The following PPP1R1C variants were observed in gnomAD, a reference collection of about 807,000 sequenced individuals.
PPP1R1C encodes the protein protein phosphatase 1 regulatory subunit 1C.
In PPP1R1C, 15 loss-of-function variants were observed where a neutral mutation model predicts 17.4. That is an observed-to-expected ratio of 0.86 (90% confidence interval 0.58 to 1.33). PPP1R1C has a LOEUF of 1.33. PPP1R1C is among the 40% of genes most tolerant of loss of function. The pLI, the probability that PPP1R1C is intolerant of heterozygous loss-of-function variation, is 0.00. For missense variants in PPP1R1C, 143 were observed against 130.0 expected, an observed-to-expected ratio of 1.10 and a Z score of -0.48; for synonymous variants, 35 against 43.1, an observed-to-expected ratio of 0.81 and a Z score of 0.73.
intron 2 of PPP1R1C, among the ~76,000 whole-genome samples, chr2:181,980,224 T>A (rs559433561): frequency 1.3e-5 from 2 of 152,342 alleles, no homozygotes; most frequent in East Asian, 3.9e-4. Flanking sequence ...CTAGGTATAC[T>A]CAGCAATTAC....
chr2:182,108,903 T>G (rs561840630), intron 4 of PPP1R1C, among the ~76,000 whole-genome samples: 16 of 152,198 alleles, frequency 1.1e-4, no homozygotes, highest in Non-Finnish European at 1.9e-4. Context: ...ATTTCTGGAT[T>G]GTATAGTATG....
chr2:182,114,008 C>T (rs1021373184), intron 4 of PPP1R1C, among the ~76,000 whole-genome samples: 1 of 152,178 alleles, frequency 6.6e-6, no homozygotes, highest in Admixed American at 6.6e-5. Context: ...GTATTATATT[C>T]TGCTTAGGGT....
At chr2:182,124,511 G>C in intron 5 of PPP1R1C, among the ~76,000 whole-genome samples, 1 of 151,598 alleles carries the variant, frequency 6.6e-6, no homozygotes, top group South Asian at 2.1e-4. Context: ...TCATGATATT[G>C]ACTCTTCCTA....
intron 2 of PPP1R1C, among the ~76,000 whole-genome samples, chr2:182,032,087 G>T (rs1210468622): frequency 6.6e-6 from 1 of 152,134 alleles, no homozygotes; most frequent in Non-Finnish European, 1.5e-5. Flanking sequence ...TTAAATTTGT[G>T]GTTACAGTGA....
In PPP1R1C at chr2:181,976,931, A is replaced by G. The variant is rs1685100460; in HGVS notation, n.157+1667A>G. Among the ~76,000 whole-genome samples the G allele has an allele frequency of 6.6e-6, 1 of 151,898 alleles. No homozygotes were observed. Among genetic ancestry groups the G allele is most frequent in the South Asian group, 2.1e-4 (1 of 4,804 alleles). On this transcript the variant is annotated intron_variant and non_coding_transcript_variant, in intron 2 of 5. Coordinates refer to the PPP1R1C transcript ENST00000464264. The surrounding 1 kb of genome is among the most constrained non-coding windows in gnomAD (Gnocchi z 4.8). ...GGCAGGTGGATCACTTGAGGCCAGG[A>G]GTTCAAGACCAGCCTGGGCAACATA... is the stretch of plus-strand genomic sequence containing the variant.
chr2:182,046,564 CAAA>C (rs146696724), intron 2 of PPP1R1C, among the ~76,000 whole-genome samples: 6 of 119,102 alleles, frequency 5.0e-5, no homozygotes, highest in Non-Finnish European at 3.6e-5. Flanking sequence ...CGTCTCTACT[CAAA>C]AAAAAAAAAA....
At chr2:182,019,934 T>C (rs955485550) in intron 2 of PPP1R1C, among the ~76,000 whole-genome samples, 3 of 152,236 alleles carry the variant, frequency 2.0e-5, no homozygotes, top group Non-Finnish European at 4.4e-5. Flanking sequence ...GATCCATCTC[T>C]GTAACAGCGA....
intron 2 of PPP1R1C, among the ~76,000 whole-genome samples, chr2:182,003,850 A>AACAATGT: frequency 6.6e-6 from 1 of 152,168 alleles, no homozygotes; most frequent in East Asian, 1.9e-4. Context: ...TTGTTTCATA[A>AACAATGT]ACAAATCAGG....
At chr2:182,066,166 A>G (rs918887769) in intron 4 of PPP1R1C, among the ~76,000 whole-genome samples, 1 of 152,160 alleles carries the variant, frequency 6.6e-6, no homozygotes, top group African/African-American at 2.4e-5. Context: ...TATAAAATCA[A>G]AATGTCCAAG....
At chr2:182,094,106 C>T (rs1211380448) in intron 4 of PPP1R1C, among the ~76,000 whole-genome samples, 1 of 152,156 alleles carries the variant, frequency 6.6e-6, no homozygotes, top group Non-Finnish European at 1.5e-5. Context: ...CATTATTGGA[C>T]TTACAGTTCC....
At chr2:181,983,357 A>G (rs997510054), upstream of PPP1R1C, among the ~76,000 whole-genome samples, 3 of 152,220 alleles carry the variant, frequency 2.0e-5, no homozygotes, top group African/African-American at 7.2e-5. Flanking sequence ...GAGGATAGCA[A>G]TAATATCTAC....
intron 2 of PPP1R1C, among the ~76,000 whole-genome samples, chr2:182,007,529 C>T (rs769006222): frequency 2.6e-5 from 4 of 152,106 alleles, no homozygotes; most frequent in East Asian, 1.9e-4. Context: ...TTGAGAATAA[C>T]GCCACATTAA....
chr2:182,120,222 T>A (rs1274671160), downstream of PPP1R1C, among the ~76,000 whole-genome samples: 1 of 152,214 alleles, frequency 6.6e-6, no homozygotes, highest in Non-Finnish European at 1.5e-5. Context: ...GTTGTAGATA[T>A]GCGGCATTAT....
intron 5 of PPP1R1C, among the ~76,000 whole-genome samples, chr2:182,125,348 G>A (rs1020989541): frequency 7.4e-4 from 113 of 152,164 alleles, no homozygotes; most frequent in African/African-American, 2.3e-3. Flanking sequence ...AGGTATATTG[G>A]CCTGAAATTT....
At chr2:182,027,792 G>A (rs1181759631) in intron 2 of PPP1R1C, among the ~76,000 whole-genome samples, 1 of 149,724 alleles carries the variant, frequency 6.7e-6, no homozygotes, top group East Asian at 2.0e-4. Flanking sequence ...AATGGTACCA[G>A]TTCCTCCTTG....
intron 4 of PPP1R1C, among the ~76,000 whole-genome samples, chr2:182,103,147 G>T (rs142704310): frequency 0.015 from 2,282 of 152,198 alleles, 34 homozygotes; most frequent in South Asian, 0.058. Context: ...CTAAAAGTTG[G>T]GGGGAGGTTC....
At chr2:181,989,315 G>T (rs957913171) in intron 2 of PPP1R1C, among the ~76,000 whole-genome samples, 4 of 152,194 alleles carry the variant, frequency 2.6e-5, no homozygotes, top group Non-Finnish European at 5.9e-5. Flanking sequence ...CAAAATAGCA[G>T]CTACATTCTC....
chr2:182,012,950 T>A (rs940520664), intron 2 of PPP1R1C, among the ~76,000 whole-genome samples: 3 of 152,162 alleles, frequency 2.0e-5, no homozygotes, highest in Non-Finnish European at 4.4e-5. Flanking sequence ...AACTTTTTAT[T>A]GTTTCTATTT....
chr2:182,122,903 C>T (rs568180890), intron 5 of PPP1R1C, among the ~76,000 whole-genome samples: 18 of 152,178 alleles, frequency 1.2e-4, no homozygotes, highest in East Asian at 1.9e-4. Flanking sequence ...CTGTGCAGAA[C>T]GTACAGGTTT....
Sources: allele counts gnomAD v4.1 joint callset (sites outside exome capture counted in the v4.1 genomes callset), GRCh38; gene constraint gnomAD v4.1.1; non-coding constraint Gnocchi (gnomAD v3.1); transcripts MANE v1.5; gene names NCBI Gene and HGNC (gene_info 2026-07-23, HGNC 2026-07-21).